ZAP70: variants seen among roughly 807,000 people sequenced by gnomAD.
ZAP70 encodes zeta chain of T cell receptor associated protein kinase 70.
ZAP70 carries 27 observed loss-of-function variants against 65.8 expected under a neutral mutation model. That is an observed-to-expected ratio of 0.41 (90% CI 0.30 to 0.57). The LOEUF (loss-of-function observed/expected upper bound fraction) is 0.57. Ranked by LOEUF, ZAP70 falls within the 20% of genes least tolerant of loss-of-function variation. ZAP70 has a pLI of 0.28. For synonymous variants in ZAP70, 363 were observed against 360.8 expected (o/e 1.01, Z -0.07); for missense variants, 696 against 870.5 (o/e 0.80, Z 2.52).
At chr2:97,734,487 CT>C (rs1320577886) in intron 8 of ZAP70, 32 bp from the exon 9 acceptor site, 2 of 1,600,870 alleles carry the variant, frequency 1.2e-6, no homozygotes, top group African/African-American at 2.7e-5. Flanking sequence ...ACCCCTGCCC[CT>C]GACCTGGGAG....
At chr2:97,723,399 G>T (rs1264130330) in intron 2 of ZAP70, among the ~76,000 whole-genome samples, 1 of 152,256 alleles carries the variant, frequency 6.6e-6, no homozygotes, top group African/African-American at 2.4e-5. Flanking sequence ...TGCGCATGCA[G>T]TCCTCTCTGC....
intron 4 of ZAP70, among the ~76,000 whole-genome samples, chr2:97,729,790 G>A (rs567980715): frequency 1.8e-4 from 27 of 151,070 alleles, no homozygotes; most frequent in African/African-American, 6.3e-4. Context: ...TAACACCAAT[G>A]TCTTAGCTTT....
At chr2:97,753,081 T>C in the ZAP70 span, among the ~76,000 whole-genome samples, 2 of 152,226 alleles carry the variant, frequency 1.3e-5, no homozygotes, top group African/African-American at 4.8e-5. Context: ...ATCAAAGCTG[T>C]TGAAATTTTA....
At chr2:97,719,067 T>C (rs1289189817) in intron 2 of ZAP70, among the ~76,000 whole-genome samples, 1 of 152,078 alleles carries the variant, frequency 6.6e-6, no homozygotes, top group African/African-American at 2.4e-5. Flanking sequence ...ATTAGGGTCT[T>C]GAGCAAGGGA....
At chr2:97,722,859 G>C (rs1264667761) in intron 2 of ZAP70, among the ~76,000 whole-genome samples, 1 of 152,140 alleles carries the variant, frequency 6.6e-6, no homozygotes, top group Non-Finnish European at 1.5e-5. Flanking sequence ...TTAGATTACA[G>C]TCCTCAGTTC....
At chr2:97,753,153 G>A in the ZAP70 span, among the ~76,000 whole-genome samples, 11 of 152,154 alleles carry the variant, frequency 7.2e-5, no homozygotes, top group Non-Finnish European at 2.9e-5. Context: ...CCTATAACCT[G>A]TTTCTCTGAT....
chr2:97,714,410 G>A (rs1282723852), intron 2 of ZAP70, among the ~76,000 whole-genome samples: 2 of 152,234 alleles, frequency 1.3e-5, no homozygotes, highest in African/African-American at 4.8e-5. Context: ...GGAGTCCAGG[G>A]CAGGCTTGAG....
intron 2 of ZAP70, among the ~76,000 whole-genome samples, chr2:97,721,812 G>A (rs1053313119): frequency 1.4e-5 from 2 of 147,584 alleles, no homozygotes; most frequent in Non-Finnish European, 3.0e-5. Flanking sequence ...TTGCTGTCTC[G>A]CACTGTCGCC....
intron 2 of ZAP70, among the ~76,000 whole-genome samples, chr2:97,717,150 G>A (rs1310174494): frequency 2.0e-5 from 3 of 152,196 alleles, no homozygotes; most frequent in African/African-American, 7.2e-5. Context: ...ACAGCTGGGG[G>A]ATTAAGGAGC....
chr2:97,745,879 G>C, the ZAP70 span, among the ~76,000 whole-genome samples: 2 of 152,200 alleles, frequency 1.3e-5, no homozygotes, highest in Non-Finnish European at 2.9e-5. Context: ...CATCATTCAC[G>C]ATAGCCAAAA....
chr2:97,751,985 G>A, the ZAP70 span, among the ~76,000 whole-genome samples: 3 of 152,162 alleles, frequency 2.0e-5, no homozygotes, highest in Non-Finnish European at 2.9e-5. Flanking sequence ...GACTCAGCAG[G>A]GCCAAACAAA....
intron 4 of ZAP70, among the ~76,000 whole-genome samples, chr2:97,729,845 C>T (rs1332815574): frequency 6.6e-6 from 1 of 151,966 alleles, no homozygotes; most frequent in Admixed American, 6.6e-5. Flanking sequence ...TATGAACTCA[C>T]ACATCTCTTT....
downstream of ZAP70, among the ~76,000 whole-genome samples, chr2:97,744,702 G>A (rs1279606066): frequency 6.6e-6 from 1 of 152,148 alleles, no homozygotes; most frequent in Non-Finnish European, 1.5e-5. Context: ...GAAGGATCCA[G>A]GGAAGGTGAC....
intron 4 of ZAP70, 142 bp from the exon 5 acceptor site, chr2:97,732,741 T>C: frequency 8.0e-7 from 1 of 1,242,560 alleles, no homozygotes; most frequent in Non-Finnish European, 1.1e-6. Flanking sequence ...GATGGGGGCC[T>C]GGCCTGGCTT....
At position 97,737,428 on chromosome 2, in the gene ZAP70, T is replaced by C; in HGVS notation, c.1290-45T>C. The stretch of plus-strand genomic sequence containing the variant: ...GAAGCATGCTTTGCCCCTGGGAACT[T>C]GGCTAGTCTTCTCCCAGCTGACCCC... On this transcript the variant is annotated intron_variant, in intron 10 of 13. Coordinates refer to ENST00000264972, the MANE Select transcript of ZAP70 (RefSeq NM_001079.4). The surrounding 1 kb of genome is among the most constrained non-coding windows in gnomAD (Gnocchi z 5.0). 6.2e-7 allele frequency: 1 copy of C among 1,606,048 alleles called. No homozygotes were observed. Among genetic ancestry groups the C allele is most frequent in the East Asian group, 2.2e-5 (1 of 44,840 alleles).
downstream of ZAP70, among the ~76,000 whole-genome samples, chr2:97,740,912 A>T (rs1473658210): frequency 1.3e-5 from 2 of 152,224 alleles, no homozygotes; most frequent in Admixed American, 6.5e-5. Context: ...TTGAGAGATA[A>T]AAGTGGGACA....
At chr2:97,722,367 C>T (rs1185186628) in intron 2 of ZAP70, among the ~76,000 whole-genome samples, 1 of 152,244 alleles carries the variant, frequency 6.6e-6, no homozygotes, top group African/African-American at 2.4e-5. Flanking sequence ...AGGCATGAGC[C>T]GTTGCACTCG....
intron 1 of ZAP70, 27 bp from the exon 2 acceptor site, chr2:97,713,889 C>T (rs1427291988): frequency 6.6e-6 from 1 of 152,546 alleles, no homozygotes; most frequent in African/African-American, 2.4e-5. Flanking sequence ...TCCAAACCGG[C>T]TTTGTAAGCC....
In ZAP70 at chr2:97,735,485, G is replaced by C. The variant is rs200372155; in HGVS notation, c.1289+29G>C. ...AGCACCGGGTGGGCCCGGCCATCGG[G>C]TGGGTGGGGCCGGGGCCCATCCTGG... On this transcript the variant is annotated intron_variant, in intron 10 of 13. Transcript: ENST00000264972. 1.4e-5 allele frequency: 22 copies of C among 1,597,498 alleles called. 1 individual carries two copies. The South Asian group carries it at 2.2e-4, about 16-fold the overall frequency.
Sources: gnomAD v4.1 joint callset for allele counts (sites outside exome capture counted in the v4.1 genomes callset) on GRCh38, gnomAD v4.1.1 for gene constraint, Gnocchi (gnomAD v3.1) non-coding constraint, MANE v1.5 for transcripts, NCBI Gene and HGNC (gene_info 2026-07-23, HGNC 2026-07-21) for gene names.